Variants in TSHZ1 observed in about 807,000 individuals in gnomAD.
The protein encoded by TSHZ1 is teashirt zinc finger homeobox 1.
A neutral mutation model predicts 67.1 loss-of-function variants in TSHZ1; 12 were observed. The ratio of observed to expected loss-of-function variants is 0.18; its 90% confidence interval spans 0.11 to 0.29. The LOEUF (loss-of-function observed/expected upper bound fraction) is 0.29, where lower values mean the gene tolerates loss of function less well. Among genes scored for constraint, TSHZ1 ranks in the 10% least tolerant of loss-of-function variants. TSHZ1 has a pLI of 1.00. For synonymous variants in TSHZ1, 632 were observed against 622.4 expected, an observed-to-expected ratio of 1.02 and a Z score of -0.23; for missense variants, 1,305 against 1,413.9, an observed-to-expected ratio of 0.92 and a Z score of 1.23.
chr18:75,240,565 T>C (rs142422066), intron 1 of TSHZ1, among the ~76,000 whole-genome samples: 1,768 of 152,290 alleles, frequency 0.012, 15 homozygotes, highest in Non-Finnish European at 0.018. Context: ...TTTTATGATC[T>C]CAGTCCATGG....
chr18:75,267,054 A>G (rs1443259400), intron 1 of TSHZ1, among the ~76,000 whole-genome samples: 1 of 152,174 alleles, frequency 6.6e-6, no homozygotes, highest in African/African-American at 2.4e-5. Flanking sequence ...TCTGTTATAG[A>G]CTTAGTAGCT....
intron 1 of TSHZ1, among the ~76,000 whole-genome samples, chr18:75,225,257 A>T (rs1408823502): frequency 6.6e-6 from 1 of 152,160 alleles, no homozygotes; most frequent in Non-Finnish European, 1.5e-5. Flanking sequence ...TCAATCATGG[A>T]TGATGGGGCT....
chr18:75,269,798 A>G (rs1015216731), intron 1 of TSHZ1, among the ~76,000 whole-genome samples: 4 of 152,274 alleles, frequency 2.6e-5, no homozygotes, highest in Non-Finnish European at 4.4e-5. Context: ...CCCATTGAAC[A>G]GTACCCCTCG....
intron 1 of TSHZ1, among the ~76,000 whole-genome samples, chr18:75,237,824 A>ATTTATTTAT (rs2023097061): frequency 6.6e-6 from 1 of 150,710 alleles, no homozygotes; most frequent in Non-Finnish European, 1.5e-5. Context: ...TTATTTATTT[A>ATTTATTTAT]TTTTTGAGAC....
intron 1 of TSHZ1, among the ~76,000 whole-genome samples, chr18:75,263,711 G>A (rs540358505): frequency 6.6e-6 from 1 of 152,306 alleles, no homozygotes; most frequent in South Asian, 2.1e-4. Flanking sequence ...AGGAAAATCA[G>A]TGTTTTCTTG....
Position 75,288,164 on chromosome 18 carries a change from G to A in TSHZ1, c.2757G>A (p.Ser919=), listed in dbSNP as rs375460415. 15 of 1,614,006 alleles carry A rather than the reference G, an allele frequency of 9.3e-6. No individual in the cohort carries two copies. The highest frequency in any genetic ancestry group is 3.3e-5 in the Admixed American group (2 of 60,004). ...CCACAGAGGGCAAGTACATCATGTC[G>A]GACTTGGGCCCGCAGGAGAGGGTGC... ...RETTEGKYIM[S]DLGPQERVHI... is the part of the protein sequence containing the mutation. The change falls in exon 2 of 2, where the codon TCG becomes TCA. Residue 919 remains serine, a synonymous_variant. Transcript: ENST00000580243. This position sits in a 1 kb window ranked among gnomAD's most constrained non-coding sequence, Gnocchi z 4.9.
At chr18:75,241,739 A>T (rs765033357) in intron 1 of TSHZ1, among the ~76,000 whole-genome samples, 11 of 151,868 alleles carry the variant, frequency 7.2e-5, no homozygotes, top group Admixed American at 6.6e-5. Context: ...GGAGGCCAGA[A>T]CCCTGAGATC....
intron 1 of TSHZ1, among the ~76,000 whole-genome samples, chr18:75,262,514 A>G (rs1004359431): frequency 2.6e-5 from 4 of 152,356 alleles, no homozygotes; most frequent in Middle Eastern, 3.4e-3. Flanking sequence ...TAAATCGTCA[A>G]TTGGCCTCTT....
intron 1 of TSHZ1, among the ~76,000 whole-genome samples, chr18:75,279,796 G>T (rs1013035400): frequency 1.3e-5 from 2 of 152,328 alleles, no homozygotes; most frequent in Non-Finnish European, 2.9e-5. Context: ...GCTGGGCCCT[G>T]CCATTCTCCG....
intron 1 of TSHZ1, among the ~76,000 whole-genome samples, chr18:75,234,257 C>T (rs1253051039): frequency 6.6e-6 from 1 of 152,138 alleles, no homozygotes; most frequent in Non-Finnish European, 1.5e-5. Context: ...TGTGGGTTCC[C>T]TGCGCACCTA....
At chr18:75,277,272 C>T (rs1214525834) in intron 1 of TSHZ1, among the ~76,000 whole-genome samples, 1 of 152,100 alleles carries the variant, frequency 6.6e-6, no homozygotes, top group Non-Finnish European at 1.5e-5. Flanking sequence ...TCATTTTGTT[C>T]CCATTGTTCC....
chr18:75,237,160 TGC>T (rs1414544308), intron 1 of TSHZ1, among the ~76,000 whole-genome samples: 1 of 152,194 alleles, frequency 6.6e-6, no homozygotes, highest in African/African-American at 2.4e-5. Context: ...GACTGAGAGT[TGC>T]GTGTCAGGGC....
intron 1 of TSHZ1, chr18:75,285,048 C>T (rs773730172): frequency 3.0e-5 from 5 of 165,514 alleles, no homozygotes; most frequent in African/African-American, 4.8e-5. Flanking sequence ...AGGTCCTGCC[C>T]GATGGGTGTT....
rs763375361 is a variant in TSHZ1 at position 75,286,837 on chromosome 18, G to A, written c.1430G>A (p.Arg477Gln). The A allele has an allele frequency of 3.1e-6, 5 of 1,613,998 alleles. No individual in the cohort carries two copies. The highest frequency in any genetic ancestry group is 2.5e-6 in the Non-Finnish European group (3 of 1,180,006). The part of the protein sequence containing the change: ...SIPLPPTTHT[R>Q]LPASSIKKQP... Reference sequence around the variant, plus strand: ...CCACTACCGCCCACCACCCACACGCGGCTGCCGGCCTCCAGCATCAAAAAG... The same window carrying A: ...CCACTACCGCCCACCACCCACACGCAGCTGCCGGCCTCCAGCATCAAAAAG... The change falls in exon 2 of 2, where the codon CGG (arginine) becomes CAG (glutamine). Residue 477 changes from arginine (R) to glutamine (Q), a missense_variant. Transcript: ENST00000580243. This position sits in a 1 kb window ranked among gnomAD's most constrained non-coding sequence, Gnocchi z 5.1.
intron 1 of TSHZ1, among the ~76,000 whole-genome samples, chr18:75,234,941 G>A (rs8093001): frequency 0.038 from 5,819 of 152,224 alleles, 140 homozygotes; most frequent in African/African-American, 0.072. Flanking sequence ...CCAGCGCATC[G>A]AAAGATTTTG....
intron 1 of TSHZ1, among the ~76,000 whole-genome samples, chr18:75,279,641 CCT>C (rs1295371849): frequency 2.0e-5 from 3 of 152,216 alleles, no homozygotes. Flanking sequence ...CCCAGGACAG[CCT>C]CTCTGGCAGT....
At chr18:75,249,690 C>CT in intron 1 of TSHZ1, among the ~76,000 whole-genome samples, 1 of 146,398 alleles carries the variant, frequency 6.8e-6, no homozygotes, top group Non-Finnish European at 1.5e-5. Flanking sequence ...CTCCTCCCTG[C>CT]CTCACTCCTG....
chr18:75,233,967 A>C (rs147915726), intron 1 of TSHZ1, among the ~76,000 whole-genome samples: 134 of 152,286 alleles, frequency 8.8e-4, no homozygotes, highest in Non-Finnish European at 1.6e-3. Context: ...ATTTGCACAC[A>C]TACTGATGTC....
Position 75,281,484 on chromosome 18 carries a change from G to A in TSHZ1, c.41-3964G>A, listed in dbSNP as rs372141402. 6.6e-6 allele frequency among the ~76,000 whole-genome samples: 1 copy of A among 152,160 alleles called. No homozygotes were observed. The highest frequency in any genetic ancestry group is 1.5e-5 in the Non-Finnish European group (1 of 68,020). On this transcript the variant is annotated intron_variant, in intron 1 of 1. Coordinates refer to ENST00000580243, the MANE Select transcript of TSHZ1 (RefSeq NM_001308210.2). The surrounding 1 kb of genome is among the most constrained non-coding windows in gnomAD (Gnocchi z 5.3). ...GGCAGAACAGTGGGGCTCCTTCCAC[G>A]GGCCCTACATGGGGCCAGGCCCTGA...
Sources: allele counts gnomAD v4.1 joint callset (sites outside exome capture counted in the v4.1 genomes callset), GRCh38; gene constraint gnomAD v4.1.1; non-coding constraint Gnocchi (gnomAD v3.1); transcripts MANE v1.5; gene names NCBI Gene and HGNC (gene_info 2026-07-23, HGNC 2026-07-21).